UPP1: variants seen among roughly 807,000 people sequenced by gnomAD.
UPP1 encodes the protein UPase 1.
Under a neutral mutation model 29.6 loss-of-function variants are expected in UPP1, and 25 were observed. That is an observed-to-expected ratio of 0.85 (90% CI 0.62 to 1.18). The LOEUF (loss-of-function observed/expected upper bound fraction) is 1.18. UPP1 is among the 50% of genes most tolerant of loss of function. The probability of loss-of-function intolerance (pLI) is 0.00; values close to 1 mark genes in which losing one functional copy is unlikely to be tolerated. For synonymous variants in UPP1, 165 were observed against 159.8 expected, an observed-to-expected ratio of 1.03 and a Z score of -0.25; for missense variants, 368 against 410.4, an observed-to-expected ratio of 0.90 and a Z score of 0.89.
At chr7:48,102,462 A>G (rs1792479368) in intron 5 of UPP1, among the ~76,000 whole-genome samples, 1 of 152,202 alleles carries the variant, frequency 6.6e-6, no homozygotes, top group African/African-American at 2.4e-5. Context: ...TGATTTTGTC[A>G]GGAGCAATAT....
At chr7:48,102,857 A>C (rs918567938) in intron 5 of UPP1, among the ~76,000 whole-genome samples, 4 of 152,216 alleles carry the variant, frequency 2.6e-5, no homozygotes, top group African/African-American at 4.8e-5. Flanking sequence ...TCCTGTGTCC[A>C]GTGGGCTGAG....
chr7:48,095,923 G>A (rs530687182), intron 3 of UPP1, among the ~76,000 whole-genome samples: 144 of 152,230 alleles, frequency 9.5e-4, no homozygotes, highest in African/African-American at 3.3e-3. Context: ...CTGGGATTAC[G>A]GGCGTGAGCC....
At chr7:48,107,207 C>G in intron 7 of UPP1, 125 bp downstream of exon 7, 1 of 1,423,026 alleles carries the variant, frequency 7.0e-7, no homozygotes, top group Admixed American at 1.9e-5. Flanking sequence ...ACACTTCGCC[C>G]AGAGTGGTTA....
In UPP1 at chr7:48,107,567, G is replaced by A. The variant is rs373538498; in HGVS notation, c.793+60G>A. ...CTCCCTTCACTTCTGCTCTCCTGGA[G>A]CCCCTCGCTGGGGCCCCTCCTCCTG... On this transcript the variant is annotated intron_variant, in intron 8 of 8. Transcript: ENST00000395564. 5.3e-5 allele frequency: 81 copies of A among 1,524,264 alleles called. 1 individual carries two copies. In the South Asian group the frequency reaches 1.0e-3, roughly 19 times the overall value. The allele number at this position is 1,524,264 out of a possible 1,614,324, so 94.4% of individuals were successfully genotyped here.
intron 5 of UPP1, 26 bp from the exon 6 acceptor site, chr7:48,103,271 A>G (rs1473218578): frequency 6.3e-7 from 1 of 1,589,192 alleles, no homozygotes; most frequent in African/African-American, 1.3e-5. Context: ...CCTTGGCTTA[A>G]CATGGGTGTT....
At position 48,099,763 on chromosome 7, in the gene UPP1, C is replaced by T. The variant is rs867879431; in HGVS notation, c.138C>T (p.Phe46=). 1 of 1,612,724 alleles carries T rather than the reference C, an allele frequency of 6.2e-7. No individual in the cohort carries two copies. Among genetic ancestry groups the T allele is most frequent in the East Asian group, 2.2e-5 (1 of 44,864 alleles). The change falls in exon 4 of 9, where the codon TTC becomes TTT. Residue 46 remains phenylalanine, a synonymous_variant. Coordinates refer to ENST00000395564, the MANE Select transcript of UPP1 (RefSeq NM_003364.4). ...HFNLTTSRHN[F]PALFGDVKFV... ...ATCTCACCACTAGCAGACACAATTTCCCAGCCTTGTTTGGAGATGTGAAGG... is the reference window on the plus strand; with the variant it reads ...ATCTCACCACTAGCAGACACAATTTTCCAGCCTTGTTTGGAGATGTGAAGG...
At position 48,103,322 on chromosome 7, in the gene UPP1, C is replaced by A; in HGVS notation, c.347C>A (p.Ser116Ter). Residue 116 changes from serine (S) to a stop codon, truncating the protein, a stop_gained, in exon 6 of 9, where the codon TCA becomes TAA. Transcript: ENST00000395564. LOFTEE classifies it high-confidence loss of function. ...CATGGTATGGGCATTCCTTCTATCTCAATCATGTTGCATGAGCTCATAAAG... is the reference window on the plus strand; with the variant it reads ...CATGGTATGGGCATTCCTTCTATCTAAATCATGTTGCATGAGCTCATAAAG... Reference protein sequence around the residue: ...VSHGMGIPSISIMLHELIKLL... With the variant: ...VSHGMGIPSI 1 of 1,614,004 alleles carries A rather than the reference C, an allele frequency of 6.2e-7. No homozygotes were observed. The highest frequency in any genetic ancestry group is 1.1e-5 in the South Asian group (1 of 91,060).
At chr7:48,095,741 A>G (rs1465701450) in intron 3 of UPP1, among the ~76,000 whole-genome samples, 2 of 151,452 alleles carry the variant, frequency 1.3e-5, no homozygotes, top group African/African-American at 4.9e-5. Context: ...TCTGCTTCCC[A>G]GTTTCAAGCA....
intron 2 of UPP1, among the ~76,000 whole-genome samples, chr7:48,091,288 G>GTTT (rs34459058): frequency 1.7e-4 from 24 of 144,172 alleles, no homozygotes; most frequent in Admixed American, 3.4e-4. Flanking sequence ...AACATCTTCA[G>GTTT]TTTTTTTTTT....
intron 6 of UPP1, chr7:48,105,400 T>C (rs1243363815): frequency 1.3e-5 from 2 of 152,178 alleles, no homozygotes; most frequent in Non-Finnish European, 2.9e-5. Context: ...GAAGCAAAGG[T>C]CTTTGCAATC....
chr7:48,093,676 TCAGGTACGC>T (rs1791969538), intron 2 of UPP1, among the ~76,000 whole-genome samples: 1 of 152,184 alleles, frequency 6.6e-6, no homozygotes, highest in Admixed American at 6.5e-5. Context: ...TAGAATAACT[TCAGGTACGC>T]CACGTTTTTC....
chr7:48,097,304 G>A (rs1792175168), intron 3 of UPP1, among the ~76,000 whole-genome samples: 1 of 152,078 alleles, frequency 6.6e-6, no homozygotes, highest in Admixed American at 6.5e-5. Context: ...TGTGATCAGG[G>A]CTCACTGCAG....
In UPP1 at chr7:48,106,965, A is replaced by T. The variant is rs778804093; in HGVS notation, c.529A>T (p.Ile177Phe). Reference protein sequence around the residue: ...FEQIVLGKRVIRKTDLNKKLV... With the variant: ...FEQIVLGKRVFRKTDLNKKLV... The stretch of plus-strand genomic sequence containing the variant: ...GCAGATTGTCCTGGGGAAGCGGGTC[A>T]TCCGGAAAACGGACCTTAACAAGAA... Residue 177 changes from isoleucine to phenylalanine, a missense_variant, in exon 7 of 9, where the codon ATC becomes TTC. By Grantham distance (21) the Ile-to-Phe change is conservative. Transcript: ENST00000395564. 1.6e-5 allele frequency: 26 copies of T among 1,613,356 alleles called. No homozygotes were observed. The highest frequency in any genetic ancestry group is 2.7e-5 in the African/African-American group (2 of 74,926).
chr7:48,101,329 C>A (rs1792408689), intron 4 of UPP1, among the ~76,000 whole-genome samples: 1 of 152,178 alleles, frequency 6.6e-6, no homozygotes, highest in Non-Finnish European at 1.5e-5. Context: ...TCCAGAATAG[C>A]TATCACTTCC....
In UPP1 at chr7:48,107,014, G is replaced by A. The variant is rs752088817; in HGVS notation, c.578G>A (p.Cys193Tyr). The A allele has an allele frequency of 3.1e-6, 5 of 1,612,782 alleles. No homozygotes were observed. The East Asian group carries it at 8.9e-5, about 29-fold the overall frequency. The change falls in exon 7 of 9, where the codon TGT becomes TAT. Residue 193 changes from cysteine to tyrosine, a missense_variant. Physicochemically the swap from Cys to Tyr is radical, Grantham distance 194. Transcript: ENST00000395564. ...AAGCTGGTGCAGGAGCTGTTGCTGT[G>A]TTCTGCAGAGCTGAGCGAGTTCACC... ...NKKLVQELLL[C>Y]SAELSEFTTV... is the part of the protein sequence containing the mutation.
intron 5 of UPP1, 76 bp from the exon 6 acceptor site, chr7:48,103,221 A>G (rs1189237407): frequency 2.8e-6 from 3 of 1,086,918 alleles, no homozygotes; most frequent in South Asian, 1.3e-5. Context: ...ATTGAATTAC[A>G]TCACATGAAA....
At chr7:48,106,731 A>C (rs1022124315) in intron 6 of UPP1, 142 bp from the exon 7 acceptor site, 9 of 710,878 alleles carry the variant, frequency 1.3e-5, no homozygotes, top group Non-Finnish European at 1.9e-5. Flanking sequence ...ATTTGAGAAC[A>C]GTACTGGATG....
intron 6 of UPP1, chr7:48,104,614 A>G (rs974862893): frequency 3.9e-5 from 6 of 152,214 alleles, no homozygotes; most frequent in African/African-American, 9.6e-5. Flanking sequence ...TTTAGACCCA[A>G]ATATTTTGAA....
chr7:48,092,171 G>C (rs1395100410), intron 2 of UPP1, among the ~76,000 whole-genome samples: 2 of 152,104 alleles, frequency 1.3e-5, no homozygotes, highest in South Asian at 2.1e-4. Context: ...CAGCCTGGAG[G>C]GGGCAGAGTT....
Sources: allele counts gnomAD v4.1 joint callset (sites outside exome capture counted in the v4.1 genomes callset), GRCh38; gene constraint gnomAD v4.1.1; transcripts MANE v1.5; gene names NCBI Gene and HGNC (gene_info 2026-07-23, HGNC 2026-07-21).